Variants in LRP1B observed in about 807,000 individuals in gnomAD.
The protein encoded by LRP1B is LDL receptor related protein 1B, also known as low-density lipoprotein receptor-related protein 1B.
A neutral mutation model predicts 556.6 loss-of-function variants in LRP1B; 217 were observed. The observed-to-expected ratio is 0.39, with a 90% confidence interval of 0.35 to 0.44. The LOEUF (loss-of-function observed/expected upper bound fraction) is 0.44, where lower values mean the gene tolerates loss of function less well. LRP1B is among the 20% of genes least tolerant of loss of function. LRP1B has a pLI of 1.00. For synonymous variants in LRP1B, 2,047 were observed against 1,865.8 expected (o/e 1.10, Z -2.50); for missense variants, 5,053 against 5,620.8 (o/e 0.90, Z 3.23).
At chr2:141,246,675 C>G (rs1684078272) in intron 5 of LRP1B, among the ~76,000 whole-genome samples, 1 of 152,080 alleles carries the variant, frequency 6.6e-6, no homozygotes, top group African/African-American at 2.4e-5. Context: ...TAGAAACTTC[C>G]TGCAATAGGC....
chr2:141,394,584 G>C (rs1690173170), intron 3 of LRP1B, among the ~76,000 whole-genome samples: 1 of 152,006 alleles, frequency 6.6e-6, no homozygotes, highest in South Asian at 2.1e-4. Context: ...GCAATAGTAT[G>C]GTCATTAGAA....
chr2:142,045,989 G>C (rs185037678), intron 1 of LRP1B, among the ~76,000 whole-genome samples: 1 of 151,960 alleles, frequency 6.6e-6, no homozygotes, highest in East Asian at 1.9e-4. Context: ...CCACTATTTG[G>C]GGTAATGATA....
chr2:142,036,605 A>T lies in LRP1B; in HGVS notation c.82+94043T>A, dbSNP rs949240882. Among the ~76,000 whole-genome samples the T allele has an allele frequency of 5.3e-5, 8 of 151,832 alleles. No individual in the cohort carries two copies. The South Asian group carries it at 1.0e-3, about 20-fold the overall frequency. On this transcript the variant is annotated intron_variant, in intron 1 of 90. Coordinates refer to ENST00000389484, the MANE Select transcript of LRP1B (RefSeq NM_018557.3). The stretch of plus-strand genomic sequence containing the variant: ...AATTTAGTTAAGTAATATTTTCTCT[A>T]CAATCTTATAAATTAAAACCTGTTC...
chr2:140,283,415 T>A (rs569981910), intron 84 of LRP1B, among the ~76,000 whole-genome samples: 93 of 151,850 alleles, frequency 6.1e-4, no homozygotes, highest in African/African-American at 2.2e-3. Flanking sequence ...CCTGCAAAAC[T>A]CTGATTAGAA....
intron 1 of LRP1B, among the ~76,000 whole-genome samples, chr2:141,933,469 A>C (rs2104999083): frequency 6.6e-6 from 1 of 152,232 alleles, no homozygotes. Flanking sequence ...GGGTCAAGAG[A>C]TAAAACCAAA....
Position 140,598,517 on chromosome 2 carries a change from A to G in LRP1B, c.7194+114T>C, listed in dbSNP as rs1682529303. ...TTAGTTATTCAATTGGATTGTTTCA[A>G]TCAACTGGCTATTTTGAAATTCCTT... On this transcript the variant is annotated intron_variant, in intron 43 of 90. Transcript: ENST00000389484. The G allele has an allele frequency of 1.1e-5, 8 of 749,770 alleles. No individual in the cohort carries two copies. In the South Asian group the frequency reaches 1.5e-4, roughly 14 times the overall value. The allele number at this position is 749,770 out of a possible 1,614,324, so 46.4% of individuals were successfully genotyped here.
chr2:140,325,770 C>T lies in LRP1B; in HGVS notation c.12332G>A (p.Ser4111Asn), dbSNP rs1374755163. 1.9e-6 allele frequency: 3 copies of T among 1,607,494 alleles called. No individual in the cohort carries two copies. Among genetic ancestry groups the T allele is most frequent in the South Asian group, 2.2e-5 (2 of 90,266 alleles). Residue 4111 changes from serine (S) to asparagine (N), a missense_variant, in exon 80 of 91, where the codon AGC (serine) becomes AAC (asparagine). Ser to Asn is a conservative substitution (Grantham distance 46). This residue lies in a region of LRP1B where 551 missense variants were observed against 592.0 expected (regional missense o/e 0.93). Coordinates refer to ENST00000389484, the MANE Select transcript of LRP1B (RefSeq NM_018557.3). ...DGSNSVVSVS[S>N]KQGLLHPHRI... The stretch of plus-strand genomic sequence containing the variant: ...AAAAGCACTTCACAAACCTTGTTTG[C>T]TGCTGACAGAGACTACTGAATTAGA...
chr2:140,995,610 T>C (rs780593116), intron 15 of LRP1B, among the ~76,000 whole-genome samples: 1 of 151,966 alleles, frequency 6.6e-6, no homozygotes, highest in Non-Finnish European at 1.5e-5. Context: ...CTCCATCTTA[T>C]AAATAAGTAC....
chr2:141,706,753 A>G (rs772508269), intron 2 of LRP1B, among the ~76,000 whole-genome samples: 152 of 152,170 alleles, frequency 1.0e-3, no homozygotes, highest in Admixed American at 3.1e-3. Flanking sequence ...GGATTATGTA[A>G]AATTTTCATA....
chr2:142,067,761 C>G (rs573718734), intron 1 of LRP1B, among the ~76,000 whole-genome samples: 1 of 151,602 alleles, frequency 6.6e-6, no homozygotes, highest in South Asian at 2.1e-4. Context: ...CAAACTGATT[C>G]ACAAGTGAAA....
chr2:141,025,779 A>T (rs1698201331), intron 11 of LRP1B, among the ~76,000 whole-genome samples: 1 of 152,060 alleles, frequency 6.6e-6, no homozygotes, highest in Non-Finnish European at 1.5e-5. Flanking sequence ...TTCTCTAGAG[A>T]ATCCTAACTA....
intron 2 of LRP1B, among the ~76,000 whole-genome samples, chr2:141,678,932 T>C (rs1690998787): frequency 6.6e-6 from 1 of 152,254 alleles, no homozygotes; most frequent in Non-Finnish European, 1.5e-5. Context: ...TTGCTGCTAA[T>C]GAATAAAATA....
At chr2:140,588,522 A>C (rs2105158510) in intron 43 of LRP1B, among the ~76,000 whole-genome samples, 1 of 152,374 alleles carries the variant, frequency 6.6e-6, no homozygotes, top group Non-Finnish European at 1.5e-5. Flanking sequence ...AAAATAAAAT[A>C]ACTAAAATAA....
intron 3 of LRP1B, among the ~76,000 whole-genome samples, chr2:141,332,297 C>T (rs113003789): frequency 0.021 from 3,202 of 152,142 alleles, 56 homozygotes; most frequent in Non-Finnish European, 0.034. Context: ...TATCATGAAA[C>T]GTATTTTGTA....
chr2:140,750,990 T>C (rs891750784), intron 35 of LRP1B, among the ~76,000 whole-genome samples: 21 of 113,800 alleles, frequency 1.8e-4, no homozygotes, highest in Middle Eastern at 0.015. Flanking sequence ...TCTTTTTTTT[T>C]CTTTTTTTTT....
chr2:140,664,708 G>A (rs1351331037), intron 41 of LRP1B, among the ~76,000 whole-genome samples: 2 of 151,786 alleles, frequency 1.3e-5, no homozygotes, highest in African/African-American at 4.8e-5. Context: ...TACTATTTTT[G>A]TTCATCTCTA....
chr2:140,747,991 C>T (rs979121323), intron 35 of LRP1B, among the ~76,000 whole-genome samples: 9 of 149,332 alleles, frequency 6.0e-5, no homozygotes, highest in African/African-American at 2.2e-4. Flanking sequence ...TTCTGTTTAA[C>T]AACATAGTTA....
chr2:141,371,045 G>A (rs1188564296), intron 3 of LRP1B, among the ~76,000 whole-genome samples: 1 of 151,984 alleles, frequency 6.6e-6, no homozygotes, highest in African/African-American at 2.4e-5. Flanking sequence ...GTGCAGTGGC[G>A]TGATCTCGGC....
At chr2:140,609,476 C>T (rs889406603) in intron 41 of LRP1B, among the ~76,000 whole-genome samples, 1 of 152,062 alleles carries the variant, frequency 6.6e-6, no homozygotes, top group Non-Finnish European at 1.5e-5. Context: ...TACGTACGTC[C>T]AACCATGAAT....
Sources: gnomAD v4.1 joint callset for allele counts (sites outside exome capture counted in the v4.1 genomes callset) on GRCh38, gnomAD v4.1.1 for gene constraint, gnomAD v4.1.1 regional missense constraint, MANE v1.5 for transcripts, NCBI Gene and HGNC (gene_info 2026-07-23, HGNC 2026-07-21) for gene names.